Variants in TLE6 observed in about 807,000 individuals in gnomAD.
The protein encoded by TLE6 is transducin-like enhancer protein 6.
A neutral mutation model predicts 77.1 loss-of-function variants in TLE6; 72 were observed. The ratio of observed to expected loss-of-function variants is 0.93; its 90% confidence interval spans 0.77 to 1.14. The LOEUF is 1.14. TLE6 is among the 50% of genes most tolerant of loss of function. The pLI is 0.00. For missense variants in TLE6, 843 were observed against 747.6 expected (o/e 1.13, Z -1.49); for synonymous variants, 366 against 287.3 (o/e 1.27, Z -2.77).
intron 5 of TLE6, among the ~76,000 whole-genome samples, chr19:2,985,863 G>A (rs1468896975): frequency 1.3e-5 from 2 of 150,446 alleles, no homozygotes; most frequent in African/African-American, 4.9e-5. Context: ...ATCATCTTAG[G>A]TCAAGAGTTC....
chr19:2,993,312 T>C, intron 14 of TLE6, 120 bp from the exon 15 acceptor site: 1 of 1,060,794 alleles, frequency 9.4e-7, no homozygotes, highest in Non-Finnish European at 1.3e-6. Context: ...GTCCCAGGGC[T>C]GCACAGCTAG....
chr19:2,989,590 T>A lies in TLE6; in HGVS notation c.1049T>A (p.Leu350His). The A allele has an allele frequency of 6.2e-7, 1 of 1,613,876 alleles. No individual in the cohort carries two copies. The highest frequency in any genetic ancestry group is 8.5e-7 in the Non-Finnish European group (1 of 1,179,962). Residue 350 changes from leucine (L) to histidine (H), a missense_variant, in exon 13 of 17, where the codon CTC (leucine) becomes CAC (histidine). Transcript: ENST00000246112. The part of the protein sequence containing the change: ...CLLSSNSRSL[L>H]TGGYNLASVS... ...CTGTCCTCAAACAGCAGGAGCCTGCTCACCGGTGGCTACAACCTGGCCAGC... is the reference window on the plus strand; with the variant it reads ...CTGTCCTCAAACAGCAGGAGCCTGCACACCGGTGGCTACAACCTGGCCAGC...
chr19:2,994,633 C>A (rs974193502), intron 16 of TLE6, among the ~76,000 whole-genome samples: 2 of 151,416 alleles, frequency 1.3e-5, no homozygotes, highest in Non-Finnish European at 2.9e-5. Context: ...ATTAAAAACA[C>A]TTTTAAAATT....
Position 2,987,894 on chromosome 19 carries a change from C to G in TLE6, c.626-4C>G. 1 of 1,610,100 alleles carries G rather than the reference C, an allele frequency of 6.2e-7. No homozygotes were observed. The highest frequency in any genetic ancestry group is 1.1e-5 in the South Asian group (1 of 90,738). On this transcript the variant is annotated splice_region_variant and splice_polypyrimidine_tract_variant and intron_variant, in intron 9 of 16. Transcript: ENST00000246112. Reference sequence around the variant, plus strand: ...CCGCTTAGCCCCTCTTGTCTCCCCACTAGCCCCCAGGCCACCTGAGGCCTC... The same window carrying G: ...CCGCTTAGCCCCTCTTGTCTCCCCAGTAGCCCCCAGGCCACCTGAGGCCTC...
At position 2,981,738 on chromosome 19, in the gene TLE6, A is replaced by G. The variant is rs150073049; in HGVS notation, c.180+155A>G. Among the ~76,000 whole-genome samples the G allele has an allele frequency of 6.9e-3, 1,054 of 152,242 alleles. 5 individuals are homozygous for G. Among genetic ancestry groups the G allele is most frequent in the Non-Finnish European group, 0.01 (710 of 68,006 alleles). ...GTAATCCCAGCACTATGGGAGGGCG[A>G]GGCAGGTGGATCACCTGAGGTCAGG... On this transcript the variant is annotated intron_variant, in intron 4 of 16. Transcript: ENST00000246112.
At chr19:2,994,238 G>T in intron 16 of TLE6, 143 bp downstream of exon 16, 1 of 664,450 alleles carries the variant, frequency 1.5e-6, no homozygotes. Context: ...CATTTTGGGA[G>T]GCTGAGGCAG....
chr19:2,988,916 TGAG>T (rs1055360593), intron 11 of TLE6, 142 bp from the exon 12 acceptor site: 107 of 609,466 alleles, frequency 1.8e-4, no homozygotes, highest in Non-Finnish European at 2.4e-4. Context: ...AGCAGGACAT[TGAG>T]GGGAGTCTAG....
At chr19:2,989,893 C>T (rs1052949552) in intron 13 of TLE6, 108 bp downstream of exon 13, 4 of 1,480,348 alleles carry the variant, frequency 2.7e-6, no homozygotes, top group African/African-American at 2.8e-5. Context: ...ACCTCCTGAA[C>T]CTGGGATATA....
chr19:2,978,451 A>T (rs417120), intron 2 of TLE6, among the ~76,000 whole-genome samples, 167 bp downstream of exon 2: 39,207 of 151,718 alleles, frequency 0.26, 5,861 homozygotes, highest in East Asian at 0.65. Flanking sequence ...CGTGTTTTTT[A>T]AAAAAAATTA....
intron 5 of TLE6, among the ~76,000 whole-genome samples, chr19:2,985,865 C>T (rs995598839): frequency 6.6e-6 from 1 of 150,380 alleles, no homozygotes; most frequent in African/African-American, 2.4e-5. Context: ...CATCTTAGGT[C>T]AAGAGTTCAA....
chr19:2,987,941 C>A lies in TLE6; in HGVS notation c.669C>A (p.Ser223=), dbSNP rs1416482694. ...PEASSSPPEG[S]QDRNTSWGVV... The stretch of plus-strand genomic sequence containing the variant: ...CCTCCTCCAGTCCCCCTGAGGGTTC[C>A]CAAGACAGGAACACAAGTTGGGGTG... The change falls in exon 10 of 17, where the codon TCC becomes TCA. Residue 223 remains serine (S), a synonymous_variant. Coordinates refer to ENST00000246112, the MANE Select transcript of TLE6 (RefSeq NM_001143986.2). The A allele has an allele frequency of 1.9e-6, 3 of 1,610,558 alleles. No homozygotes were observed. The highest frequency in any genetic ancestry group is 1.7e-6 in the Non-Finnish European group (2 of 1,177,830).
rs2145072480 is a variant in TLE6 at position 2,993,415 on chromosome 19, C to A, written c.1387-17C>A. 1.3e-6 allele frequency: 2 copies of A among 1,591,444 alleles called. No homozygotes were observed. Among genetic ancestry groups the A allele is most frequent in the African/African-American group, 1.3e-5 (1 of 74,112 alleles). ...GGACCTAACCAGGTTCCTCCCTCCC[C>A]ACTGCCCATTACCTAGATAATGAGC... On this transcript the variant is annotated splice_polypyrimidine_tract_variant and intron_variant, in intron 14 of 16. Transcript: ENST00000246112.
intron 5 of TLE6, among the ~76,000 whole-genome samples, chr19:2,985,479 G>GCTC (rs1043384067): frequency 2.2e-5 from 3 of 137,864 alleles, no homozygotes; most frequent in African/African-American, 8.4e-5. Context: ...TCGCATCTGG[G>GCTC]CTCACTGCAA....
At chr19:2,981,730 G>A in intron 4 of TLE6, 147 bp downstream of exon 4, 1 of 891,754 alleles carries the variant, frequency 1.1e-6, no homozygotes, top group Non-Finnish European at 1.7e-6. Context: ...CAGCACTATG[G>A]GAGGGCGAGG....
intron 14 of TLE6, among the ~76,000 whole-genome samples, chr19:2,993,026 T>TTAA (rs2089115078): frequency 2.1e-5 from 1 of 48,340 alleles, no homozygotes; most frequent in African/African-American, 7.2e-5. Flanking sequence ...CCGTCTCTAC[T>TTAA]AAAAAAAAAA....
intron 10 of TLE6, 47 bp downstream of exon 10, chr19:2,988,021 GGT>G: frequency 6.3e-7 from 1 of 1,586,162 alleles, no homozygotes; most frequent in Non-Finnish European, 8.6e-7. Context: ...GGCTGCCCAG[GGT>G]GGGGTAGAGG....
chr19:2,991,451 CAT>C (rs1403794440), intron 13 of TLE6, among the ~76,000 whole-genome samples: 2 of 145,420 alleles, frequency 1.4e-5, no homozygotes, highest in South Asian at 2.2e-4. Flanking sequence ...GTATTTATAA[CAT>C]ATAAGATATC....
At position 2,994,920 on chromosome 19, in the gene TLE6, C is replaced by G; in HGVS notation, c.1635C>G (p.Val545=). ...TCCAGGTGCCTGAGATGTCTCCAGT[C>G]ACGTGCTGTGACGTCTCTTCCAACA... ...KVFEVPEMSP[V]TCCDVSSNNR... The change falls in exon 17 of 17, where the codon GTC becomes GTG. Residue 545 remains valine, a synonymous_variant. Coordinates refer to ENST00000246112, the MANE Select transcript of TLE6 (RefSeq NM_001143986.2). The G allele has an allele frequency of 6.2e-7, 1 of 1,602,676 alleles. No homozygotes were observed. Among genetic ancestry groups the G allele is most frequent in the Non-Finnish European group, 8.5e-7 (1 of 1,174,734 alleles).
chr19:2,987,288 C>A, intron 7 of TLE6, 50 bp downstream of exon 7: 1 of 1,614,198 alleles, frequency 6.2e-7, no homozygotes. Context: ...GGCTGCGTCT[C>A]AGGGGCTGTG....
Sources: allele counts gnomAD v4.1 joint callset (sites outside exome capture counted in the v4.1 genomes callset), GRCh38; gene constraint gnomAD v4.1.1; transcripts MANE v1.5; gene names NCBI Gene and HGNC (gene_info 2026-07-23, HGNC 2026-07-21).